The following C16orf78 variants were observed in gnomAD, a reference collection of about 807,000 sequenced individuals.
The protein encoded by C16orf78 is chromosome 16 open reading frame 78, also known as uncharacterized protein C16orf78.
C16orf78 carries 19 observed loss-of-function variants against 27.3 expected under a neutral mutation model. The observed-to-expected ratio is 0.70, with a 90% CI of 0.49 to 1.02. The LOEUF is 1.02. Among genes scored for constraint, C16orf78 ranks in the 50% least tolerant of loss-of-function variants. The probability of loss-of-function intolerance (pLI) is 0.00; values close to 1 mark genes in which losing one functional copy is unlikely to be tolerated. For missense variants in C16orf78, 339 were observed against 337.0 expected, an observed-to-expected ratio of 1.01 and a Z score of -0.05; for synonymous variants, 130 against 116.1, an observed-to-expected ratio of 1.12 and a Z score of -0.77.
intron 3 of C16orf78, among the ~76,000 whole-genome samples, chr16:49,393,290 A>T (rs1026937669): frequency 6.6e-6 from 1 of 152,234 alleles, no homozygotes; most frequent in East Asian, 1.9e-4. Context: ...GGAAATACAT[A>T]GAAGAATGTA....
At chr16:49,379,052 C>G (rs1331019360) in intron 3 of C16orf78, among the ~76,000 whole-genome samples, 1 of 152,154 alleles carries the variant, frequency 6.6e-6, no homozygotes, top group Non-Finnish European at 1.5e-5. Flanking sequence ...ATTTCAAAGA[C>G]TGCCTGGGTC....
In C16orf78 at chr16:49,377,804, T is replaced by C. The variant is rs760680742; in HGVS notation, c.224T>C (p.Met75Thr). Reference protein sequence around the residue: ...KKEEKKGKGLMTARGGNRRDT... With the variant: ...KKEEKKGKGLTTARGGNRRDT... ...GAAGAGAAGAAAGGCAAAGGCCTCATGACAGCACGGGGAGGGAACCGCAGG... is the reference window on the plus strand; with the variant it reads ...GAAGAGAAGAAAGGCAAAGGCCTCACGACAGCACGGGGAGGGAACCGCAGG... Residue 75 changes from methionine to threonine, a missense_variant, in exon 2 of 5, where the codon ATG becomes ACG. Met to Thr is a moderately conservative substitution (Grantham distance 81). Coordinates refer to ENST00000299191, the MANE Select transcript of C16orf78 (RefSeq NM_144602.4). 1.3e-6 allele frequency: 2 copies of C among 1,592,068 alleles called. No homozygotes were observed. Among genetic ancestry groups the C allele is most frequent in the East Asian group, 2.3e-5 (1 of 44,394 alleles).
chr16:49,379,288 G>C (rs894311548), intron 3 of C16orf78, among the ~76,000 whole-genome samples: 1 of 152,004 alleles, frequency 6.6e-6, no homozygotes, highest in African/African-American at 2.4e-5. Flanking sequence ...TAAAAATTTT[G>C]CTAAAATTTC....
chr16:49,382,335 A>G (rs1046903918), intron 3 of C16orf78, among the ~76,000 whole-genome samples: 5 of 152,254 alleles, frequency 3.3e-5, no homozygotes, highest in African/African-American at 1.2e-4. Flanking sequence ...TAGTAGGTGC[A>G]GCGCACCAGC....
chr16:49,396,560 T>C lies in C16orf78; in HGVS notation c.532T>C (p.Ser178Pro). The C allele has an allele frequency of 6.2e-7, 1 of 1,614,156 alleles. No individual in the cohort carries two copies. Among genetic ancestry groups the C allele is most frequent in the Non-Finnish European group, 8.5e-7 (1 of 1,180,020 alleles). The change falls in exon 4 of 5, where the codon TCC becomes CCC. Residue 178 changes from serine (S) to proline (P), a missense_variant. Coordinates refer to ENST00000299191, the MANE Select transcript of C16orf78 (RefSeq NM_144602.4). Reference sequence around the variant, plus strand: ...GAGGGCAACCTTCATAAGAGACTGGTCCAACAAGATGCCTGACATGGCTTA... The same window carrying C: ...GAGGGCAACCTTCATAAGAGACTGGCCCAACAAGATGCCTGACATGGCTTA... ...SQRATFIRDW[S>P]NKMPDMAYER...
At position 49,378,470 on chromosome 16, in the gene C16orf78, G is replaced by A; in HGVS notation, c.271G>A (p.Ala91Thr). The A allele has an allele frequency of 6.4e-7, 1 of 1,574,530 alleles. No individual in the cohort carries two copies. Among genetic ancestry groups the A allele is most frequent in the Non-Finnish European group, 8.6e-7 (1 of 1,158,866 alleles). Residue 91 changes from alanine (A) to threonine (T), a missense_variant and splice_region_variant, in exon 3 of 5, where the codon GCC becomes ACC. Ala to Thr is a moderately conservative substitution (Grantham distance 58). Transcript: ENST00000299191. ...NRRDTETSQQ[A>T]LGKRFRKDAA... ...TGACTTCTCACCTGCTCCCTCCAAG[G>A]CCTTAGGAAAGAGATTCAGGAAGGA...
chr16:49,373,861 C>T lies in C16orf78; in HGVS notation c.-79C>T, dbSNP rs1965183585. On this transcript the variant is annotated 5_prime_UTR_variant, in exon 1 of 5. Transcript: ENST00000299191. ...CACCCTACCTTCTAAGTCACCAGGCCATCAAGTCCAGACAAAGGGATCGAA... is the reference window on the plus strand; with the variant it reads ...CACCCTACCTTCTAAGTCACCAGGCTATCAAGTCCAGACAAAGGGATCGAA... 3 of 1,552,102 alleles carry T rather than the reference C, an allele frequency of 1.9e-6. No individual in the cohort carries two copies. Among genetic ancestry groups the T allele is most frequent in the Admixed American group, 3.5e-5 (2 of 57,890 alleles).
intron 3 of C16orf78, among the ~76,000 whole-genome samples, chr16:49,387,136 A>T (rs140383376): frequency 1.3e-5 from 2 of 152,140 alleles, no homozygotes; most frequent in South Asian, 2.1e-4. Flanking sequence ...AATAATAGCC[A>T]TTCTGACTGG....
In C16orf78 at chr16:49,374,498, G is replaced by A. The variant is rs191458832; in HGVS notation, c.150+409G>A. Among the ~76,000 whole-genome samples, 5 of 152,304 alleles carry A rather than the reference G, an allele frequency of 3.3e-5. No individual in the cohort carries two copies. In the East Asian group the frequency reaches 9.7e-4, roughly 29 times the overall value. On this transcript the variant is annotated intron_variant, in intron 1 of 4. Transcript: ENST00000299191. Reference sequence around the variant, plus strand: ...AGTTTTCTAGAGGAAATGCTCTAAGGAAAAGGAGGCCAAGGGCCTATCATC... The same window carrying A: ...AGTTTTCTAGAGGAAATGCTCTAAGAAAAAGGAGGCCAAGGGCCTATCATC...
intron 3 of C16orf78, among the ~76,000 whole-genome samples, chr16:49,382,851 C>A (rs1965304325): frequency 6.6e-6 from 1 of 152,174 alleles, no homozygotes; most frequent in Non-Finnish European, 1.5e-5. Context: ...TTCCCATTGG[C>A]TTTTTACTTG....
At chr16:49,381,132 A>G (rs1274287481) in intron 3 of C16orf78, among the ~76,000 whole-genome samples, 1 of 152,168 alleles carries the variant, frequency 6.6e-6, no homozygotes, top group Non-Finnish European at 1.5e-5. Flanking sequence ...TTTTGGTTCC[A>G]TATGAACTTT....
chr16:49,394,096 G>A (rs940429271), intron 3 of C16orf78, among the ~76,000 whole-genome samples: 1 of 151,926 alleles, frequency 6.6e-6, no homozygotes, highest in Admixed American at 6.6e-5. Context: ...ACTAAAAAAT[G>A]GCACTAAGAC....
intron 3 of C16orf78, among the ~76,000 whole-genome samples, 176 bp downstream of exon 3, chr16:49,378,769 G>A (rs1012612930): frequency 2.0e-5 from 3 of 152,092 alleles, no homozygotes; most frequent in South Asian, 2.1e-4. Context: ...TCCTGGGGTC[G>A]CTCTTGGCAA....
chr16:49,377,867 T>TCCCCCAC lies in C16orf78; in HGVS notation c.270+18_270+24dup. On this transcript the variant is annotated intron_variant, in intron 2 of 4. Coordinates refer to ENST00000299191, the MANE Select transcript of C16orf78 (RefSeq NM_144602.4). ...TCCCAGCAGGTAATGCAGCCCCTCT[T>TCCCCCAC]CCCCCACTCACCCCCACTGGGTCTC... is the stretch of plus-strand genomic sequence containing the variant. The TCCCCCAC allele has an allele frequency of 6.4e-7, 1 of 1,558,506 alleles. No homozygotes were observed. Among genetic ancestry groups the TCCCCCAC allele is most frequent in the East Asian group, 2.4e-5 (1 of 42,090 alleles).
At chr16:49,381,638 A>C (rs1318430266) in intron 3 of C16orf78, among the ~76,000 whole-genome samples, 2 of 151,858 alleles carry the variant, frequency 1.3e-5, no homozygotes, top group Non-Finnish European at 2.9e-5. Context: ...GAAGACATTT[A>C]TGCAGCCAAA....
At position 49,399,363 on chromosome 16, in the gene C16orf78, G is replaced by A; in HGVS notation, c.*85G>A. The A allele has an allele frequency of 6.6e-7, 1 of 1,506,512 alleles. No individual in the cohort carries two copies. Among genetic ancestry groups the A allele is most frequent in the Non-Finnish European group, 9.1e-7 (1 of 1,104,076 alleles). The allele number at this position is 1,506,512 out of a possible 1,614,324, so 93.3% of individuals were successfully genotyped here. On this transcript the variant is annotated 3_prime_UTR_variant, in exon 5 of 5. Transcript: ENST00000299191. The stretch of plus-strand genomic sequence containing the variant: ...TGCCATCCTCTGGCACACTACAAGT[G>A]GTCCTTCCAACTTAGTGCATCCCTT...
intron 4 of C16orf78, among the ~76,000 whole-genome samples, chr16:49,398,248 A>G (rs1008019146): frequency 3.3e-5 from 5 of 152,200 alleles, no homozygotes; most frequent in African/African-American, 9.7e-5. Context: ...ATCACATTAT[A>G]TCAACACACA....
Position 49,382,680 on chromosome 16 carries a change from G to A in C16orf78, c.394+4087G>A, listed in dbSNP as rs1007596450. Among the ~76,000 whole-genome samples, 14 of 152,214 alleles carry A rather than the reference G, an allele frequency of 9.2e-5. No homozygotes were observed. The South Asian group carries it at 2.5e-3, about 27-fold the overall frequency. On this transcript the variant is annotated intron_variant, in intron 3 of 4. Coordinates refer to ENST00000299191, the MANE Select transcript of C16orf78 (RefSeq NM_144602.4). Reference sequence around the variant, plus strand: ...TAAGGAAGCACTCACTCTCAGATGCGAATCATGCACTTGTGTGAGTCTGAG... The same window carrying A: ...TAAGGAAGCACTCACTCTCAGATGCAAATCATGCACTTGTGTGAGTCTGAG...
intron 1 of C16orf78, among the ~76,000 whole-genome samples, chr16:49,376,706 A>G (rs1965223120): frequency 6.6e-6 from 1 of 151,834 alleles, no homozygotes; most frequent in African/African-American, 2.4e-5. Context: ...CCCATAATTC[A>G]TGGAGGGCAT....
Sources: gnomAD v4.1 joint callset for allele counts (sites outside exome capture counted in the v4.1 genomes callset) on GRCh38, gnomAD v4.1.1 for gene constraint, MANE v1.5 for transcripts, NCBI Gene and HGNC (gene_info 2026-07-23, HGNC 2026-07-21) for gene names.